PTK2: variants seen among roughly 807,000 people sequenced by gnomAD.
PTK2 encodes the protein focal adhesion kinase 1.
PTK2 carries 45 observed loss-of-function variants against 150.1 expected under a neutral mutation model. The ratio of observed to expected loss-of-function variants is 0.30; its 90% CI spans 0.24 to 0.38. The LOEUF (loss-of-function observed/expected upper bound fraction) is 0.38. PTK2 is among the 10% of genes least tolerant of loss of function. PTK2 has a pLI of 1.00. For missense variants in PTK2, 919 were observed against 1,307.3 expected (o/e 0.70, Z 4.58); for synonymous variants, 432 against 449.2 (o/e 0.96, Z 0.48).
At chr8:140,817,279 A>G (rs551328135) in intron 10 of PTK2, among the ~76,000 whole-genome samples, 29 of 152,306 alleles carry the variant, frequency 1.9e-4, no homozygotes, top group African/African-American at 7.0e-4. Context: ...AAGGCTGAAG[A>G]GAAAAGAATG....
chr8:140,942,566 A>G (rs2100176191), intron 1 of PTK2, among the ~76,000 whole-genome samples: 1 of 152,172 alleles, frequency 6.6e-6, no homozygotes, highest in Non-Finnish European at 1.5e-5. Flanking sequence ...GGTGGTACCT[A>G]ATCCAGACAA....
intron 2 of PTK2, among the ~76,000 whole-genome samples, chr8:140,893,848 A>T (rs1284488007): frequency 6.6e-6 from 1 of 152,206 alleles, no homozygotes; most frequent in African/African-American, 2.4e-5. Context: ...TAAAAAGGTC[A>T]TAGCAGTACC....
intron 1 of PTK2, among the ~76,000 whole-genome samples, chr8:140,930,060 T>C (rs1030485944): frequency 3.9e-5 from 6 of 152,212 alleles, no homozygotes; most frequent in Admixed American, 2.0e-4. Flanking sequence ...TAACTTCTGG[T>C]AGACTGGTCT....
At chr8:140,845,099 C>A (rs1295211582) in intron 7 of PTK2, among the ~76,000 whole-genome samples, 3 of 152,180 alleles carry the variant, frequency 2.0e-5, no homozygotes, top group Non-Finnish European at 4.4e-5. Flanking sequence ...CTCACATGGA[C>A]AAGAAAGGTA....
At chr8:140,890,498 A>G (rs2100153854) in intron 3 of PTK2, 45 bp downstream of exon 3, 4 of 1,497,324 alleles carry the variant, frequency 2.7e-6, no homozygotes, top group East Asian at 2.3e-5. Context: ...ATTACATTTT[A>G]ACCTAAATAA....
At chr8:140,934,046 C>T (rs1203975184) in intron 1 of PTK2, among the ~76,000 whole-genome samples, 4 of 151,520 alleles carry the variant, frequency 2.6e-5, no homozygotes, top group Non-Finnish European at 5.9e-5. Context: ...TATTCAGAAA[C>T]AACAAGTTCT....
chr8:140,868,968 T>G (rs62521883), intron 4 of PTK2, among the ~76,000 whole-genome samples: 2 of 151,970 alleles, frequency 1.3e-5, no homozygotes, highest in Non-Finnish European at 2.9e-5. Flanking sequence ...GCTATATTAT[T>G]TAAGATTTTA....
At chr8:140,882,357 C>G (rs1600404951) in intron 3 of PTK2, among the ~76,000 whole-genome samples, 1 of 152,226 alleles carries the variant, frequency 6.6e-6, no homozygotes, top group East Asian at 1.9e-4. Flanking sequence ...ATCACACACA[C>G]GTACATTTAG....
intron 7 of PTK2, among the ~76,000 whole-genome samples, chr8:140,844,435 T>A (rs11167003): frequency 7.9e-6 from 1 of 126,572 alleles, no homozygotes; most frequent in African/African-American, 2.6e-5. Flanking sequence ...TGCTCCTTTA[T>A]TTATTTATTC....
exon 32 of PTK2, chr8:140,659,401 G>A (rs1033007921): frequency 1.0e-5 from 15 of 1,429,974 alleles, no homozygotes; most frequent in African/African-American, 2.8e-5. Context: ...TTAATTCCTC[G>A]CTGCTGGTGG....
intron 27 of PTK2, among the ~76,000 whole-genome samples, chr8:140,681,400 C>T (rs1246766473): frequency 2.0e-5 from 3 of 150,920 alleles, no homozygotes; most frequent in African/African-American, 7.3e-5. Context: ...AACCTAACAT[C>T]ACGCCCTGAG....
intron 1 of PTK2, among the ~76,000 whole-genome samples, chr8:140,998,757 T>G (rs2100198787): frequency 1.3e-5 from 2 of 148,174 alleles, no homozygotes; most frequent in Non-Finnish European, 3.0e-5. Context: ...CAGTGGAGCT[T>G]GCAGTGAGCC....
At chr8:140,794,106 G>GT (rs770153398) in intron 12 of PTK2, among the ~76,000 whole-genome samples, 2 of 152,212 alleles carry the variant, frequency 1.3e-5, no homozygotes, top group Non-Finnish European at 2.9e-5. Context: ...CTGAATTAAT[G>GT]TAACAGCCCC....
At chr8:140,858,454 A>T (rs2100134126) in intron 5 of PTK2, among the ~76,000 whole-genome samples, 1 of 151,970 alleles carries the variant, frequency 6.6e-6, no homozygotes, top group Non-Finnish European at 1.5e-5. Flanking sequence ...AAGAAAGAAA[A>T]AAAGAAAATC....
At chr8:140,872,242 A>C (rs940953653) in intron 4 of PTK2, among the ~76,000 whole-genome samples, 3 of 151,140 alleles carry the variant, frequency 2.0e-5, no homozygotes, top group Non-Finnish European at 4.4e-5. Context: ...ACGGGGTTTC[A>C]CCATGTTGGC....
intron 13 of PTK2, among the ~76,000 whole-genome samples, chr8:140,791,490 T>C (rs2100088394): frequency 6.6e-6 from 1 of 152,210 alleles, no homozygotes; most frequent in African/African-American, 2.4e-5. Context: ...AGAGGTGCAC[T>C]AGCCACATGC....
intron 12 of PTK2, among the ~76,000 whole-genome samples, chr8:140,799,974 C>T (rs2100093959): frequency 6.6e-6 from 1 of 152,112 alleles, no homozygotes; most frequent in Admixed American, 6.6e-5. Context: ...TTTATAGTGA[C>T]GTTTCTAGGA....
rs116953670 is a variant in PTK2 at position 140,949,551 on chromosome 8, G to A, written c.-121-23802C>T. Among the ~76,000 whole-genome samples the A allele has an allele frequency of 2.7e-3, 417 of 152,360 alleles. 1 individual carries two copies. The highest frequency in any genetic ancestry group is 4.7e-3 in the Non-Finnish European group (321 of 68,034). On this transcript the variant is annotated intron_variant, in intron 1 of 31. Coordinates refer to ENST00000522684, the Ensembl canonical transcript of PTK2. ...CAGGGCAGAGCAAAGTTGTGGCTGA[G>A]CCTGAGTCTGTCACAACCTGGCCGA...
chr8:140,970,136 T>C (rs1475958185), intron 1 of PTK2, among the ~76,000 whole-genome samples: 1 of 152,252 alleles, frequency 6.6e-6, no homozygotes, highest in Non-Finnish European at 1.5e-5. Flanking sequence ...GCTTCAATTC[T>C]GAGACCTCTG....
Sources: gnomAD v4.1 joint callset for allele counts (sites outside exome capture counted in the v4.1 genomes callset) on GRCh38, gnomAD v4.1.1 for gene constraint, MANE v1.5 for transcripts, NCBI Gene and HGNC (gene_info 2026-07-23, HGNC 2026-07-21) for gene names.